The following GRIP1 variants were observed in gnomAD, a reference collection of about 807,000 sequenced individuals.
GRIP1 encodes the protein glutamate receptor-interacting protein 1.
In GRIP1, 45 loss-of-function variants were observed where a neutral mutation model predicts 129.9. The ratio of observed to expected loss-of-function variants is 0.35; its 90% CI spans 0.27 to 0.44. The LOEUF (loss-of-function observed/expected upper bound fraction) is 0.44. Among genes scored for constraint, GRIP1 ranks in the 20% least tolerant of loss-of-function variants. GRIP1 has a pLI of 1.00. For missense variants in GRIP1, 1,196 were observed against 1,396.8 expected, an observed-to-expected ratio of 0.86 and a Z score of 2.29; for synonymous variants, 530 against 520.8, an observed-to-expected ratio of 1.02 and a Z score of -0.24.
chr12:66,934,538 A>T (rs963046335), intron 1 of GRIP1, among the ~76,000 whole-genome samples: 1 of 152,224 alleles, frequency 6.6e-6, no homozygotes. Context: ...AATGCCCTTC[A>T]CATGCCAAAG....
chr12:67,016,250 C>T (rs1434295653), intron 1 of GRIP1, among the ~76,000 whole-genome samples: 1 of 152,082 alleles, frequency 6.6e-6, no homozygotes, highest in African/African-American at 2.4e-5. Context: ...GAATTTAAAG[C>T]ACTGAGACAC....
rs755458052 is a variant in GRIP1, at chr12:66,827,387, T to TGTGTGTGTGTGAGAGAGAGAGAGAGAGA, written c.59-230461_59-230460insTCTCTCTCTCTCTCTCTCACACACACAC. Among the ~76,000 whole-genome samples, 60 of 108,274 alleles carry TGTGTGTGTGTGAGAGAGAGAGAGAGAGA rather than the reference T, an allele frequency of 5.5e-4. 1 individual carries two copies. The highest frequency in any genetic ancestry group is 2.5e-3 in the East Asian group (7 of 2,760). The allele number at this position is 108,274 out of a possible 152,430, so 71.0% of individuals were successfully genotyped here. ...AGGTGTGTGTGTGTGTGTGTGTGTG[T>TGTGTGTGTGTGAGAGAGAGAGAGAGAGA]GAGAGAGAGAGAGAGAGAGAGAGAG... On this transcript the variant is annotated intron_variant, in intron 1 of 1. Coordinates refer to the GRIP1 transcript ENST00000643019.
chr12:66,905,396 T>C (rs561872812), intron 1 of GRIP1, among the ~76,000 whole-genome samples: 9 of 152,262 alleles, frequency 5.9e-5, no homozygotes, highest in Admixed American at 4.6e-4. Context: ...TGGAATTACA[T>C]AGGTCAGTAG....
intron 1 of GRIP1, among the ~76,000 whole-genome samples, chr12:66,861,316 T>C (rs1437997949): frequency 1.3e-5 from 2 of 152,154 alleles, no homozygotes; most frequent in African/African-American, 4.8e-5. Context: ...CAAAGGCAAC[T>C]GTCATCTGGT....
chr12:66,894,617 C>A (rs2040715498), intron 1 of GRIP1, among the ~76,000 whole-genome samples: 1 of 152,144 alleles, frequency 6.6e-6, no homozygotes, highest in Non-Finnish European at 1.5e-5. Flanking sequence ...CCTGACTTTG[C>A]CTTCCAAGGT....
rs550223648 is a variant in GRIP1 at position 66,643,976 on chromosome 12, A to G, written c.55+34874T>C. ...GAGACTGGGAAGAAAAAGATGTTTA[A>G]TTGGACTTACGGTCCCATATGGCTG... On this transcript the variant is annotated intron_variant, in intron 1 of 24. Coordinates refer to ENST00000359742, the MANE Select transcript of GRIP1 (RefSeq NM_001366722.1). Among the ~76,000 whole-genome samples the G allele has an allele frequency of 3.9e-5, 6 of 152,342 alleles. No individual in the cohort carries two copies. The South Asian group carries it at 1.2e-3, about 32-fold the overall frequency.
intron 1 of GRIP1, among the ~76,000 whole-genome samples, chr12:66,927,604 G>A (rs924113524): frequency 6.6e-6 from 1 of 152,080 alleles, no homozygotes; most frequent in African/African-American, 2.4e-5. Flanking sequence ...ATAGAACTTG[G>A]GTGCAGCCAG....
intron 5 of GRIP1, among the ~76,000 whole-genome samples, chr12:66,527,108 G>A (rs2139061197): frequency 6.8e-6 from 1 of 147,464 alleles, no homozygotes; most frequent in African/African-American, 2.5e-5. Flanking sequence ...CATTGTGGAA[G>A]TCAGTGTGGC....
chr12:66,735,228 A>G (rs903669810), intron 1 of GRIP1, among the ~76,000 whole-genome samples: 18 of 152,230 alleles, frequency 1.2e-4, no homozygotes, highest in Non-Finnish European at 2.9e-5. Flanking sequence ...AAGTTTTATT[A>G]TAACAGACTT....
At chr12:66,524,182 T>G (rs1230490285) in intron 5 of GRIP1, among the ~76,000 whole-genome samples, 2 of 152,140 alleles carry the variant, frequency 1.3e-5, no homozygotes, top group Non-Finnish European at 2.9e-5. Flanking sequence ...GTGGACCTAA[T>G]AGACATCTAC....
intron 1 of GRIP1, among the ~76,000 whole-genome samples, chr12:66,881,762 A>G (rs2040482956): frequency 6.6e-6 from 1 of 152,162 alleles, no homozygotes; most frequent in African/African-American, 2.4e-5. Context: ...TGAAATCACA[A>G]TATGTGGCTG....
intron 1 of GRIP1, among the ~76,000 whole-genome samples, chr12:67,060,222 G>A (rs2043508909): frequency 6.6e-6 from 1 of 152,162 alleles, no homozygotes; most frequent in South Asian, 2.1e-4. Flanking sequence ...TCATGCCTAG[G>A]AAAGACAAAG....
chr12:66,794,892 A>G (rs1024019491), intron 1 of GRIP1, among the ~76,000 whole-genome samples: 1 of 152,216 alleles, frequency 6.6e-6, no homozygotes, highest in African/African-American at 2.4e-5. Context: ...CCAGCCATAA[A>G]TAACAGTTTT....
chr12:66,892,513 G>C lies in GRIP1; in HGVS notation c.58+176537C>G, dbSNP rs941980125. Among the ~76,000 whole-genome samples the C allele has an allele frequency of 6.6e-5, 10 of 152,170 alleles. No homozygotes were observed. In the East Asian group the frequency reaches 1.9e-3, roughly 29 times the overall value. On this transcript the variant is annotated intron_variant, in intron 1 of 1. Coordinates refer to the GRIP1 transcript ENST00000643019. Reference sequence around the variant, plus strand: ...ATAACCATAGTACATCACACAGCTGGCATTGGTACAATACTTTATCTAAAT... The same window carrying C: ...ATAACCATAGTACATCACACAGCTGCCATTGGTACAATACTTTATCTAAAT...
chr12:66,414,163 T>C (rs183047452), intron 15 of GRIP1, among the ~76,000 whole-genome samples: 5 of 152,248 alleles, frequency 3.3e-5, no homozygotes, highest in Admixed American at 3.3e-4. Context: ...AAATTGTCTT[T>C]GCAGATGACA....
intron 1 of GRIP1, among the ~76,000 whole-genome samples, chr12:67,049,000 A>G (rs1264628392): frequency 2.0e-5 from 3 of 151,598 alleles, no homozygotes; most frequent in Admixed American, 6.6e-5. Context: ...AATTTTTTTT[A>G]TTTTTTGTAG....
At chr12:66,862,644 TGTCTC>T (rs2040132518) in intron 1 of GRIP1, among the ~76,000 whole-genome samples, 1 of 152,020 alleles carries the variant, frequency 6.6e-6, no homozygotes, top group Non-Finnish European at 1.5e-5. Flanking sequence ...CTGGCTGTCT[TGTCTC>T]ATTTTGTAGG....
intron 23 of GRIP1, among the ~76,000 whole-genome samples, chr12:66,354,092 T>C (rs2054362344): frequency 3.9e-5 from 6 of 152,192 alleles, no homozygotes; most frequent in Admixed American, 2.6e-4. Flanking sequence ...CAGAACACTA[T>C]GTAAAAGACC....
At chr12:66,712,691 C>T (rs546896705) in intron 1 of GRIP1, among the ~76,000 whole-genome samples, 1 of 151,988 alleles carries the variant, frequency 6.6e-6, no homozygotes, top group Non-Finnish European at 1.5e-5. Flanking sequence ...TTTGCCACTA[C>T]GTGACCTGGG....
Sources: allele counts gnomAD v4.1 joint callset (sites outside exome capture counted in the v4.1 genomes callset), GRCh38; gene constraint gnomAD v4.1.1; transcripts MANE v1.5; gene names NCBI Gene and HGNC (gene_info 2026-07-23, HGNC 2026-07-21).